The following TMEM267 variants were observed in gnomAD, a reference collection of about 807,000 sequenced individuals.
TMEM267 encodes the protein transmembrane protein 267.
In TMEM267, 20 loss-of-function variants were observed where a neutral mutation model predicts 19.3. The observed-to-expected ratio is 1.04, with a 90% CI of 0.73 to 1.51. TMEM267 has a LOEUF of 1.51. Among genes scored for constraint, TMEM267 ranks in the 40% most tolerant of loss-of-function variants. The pLI, the probability that TMEM267 is intolerant of heterozygous loss-of-function variation, is 0.00. For missense variants in TMEM267, 242 were observed against 261.9 expected (o/e 0.92, Z 0.52); for synonymous variants, 88 against 90.3 (o/e 0.97, Z 0.15).
intron 2 of TMEM267, among the ~76,000 whole-genome samples, chr5:43,449,406 T>C (rs1742448326): frequency 6.6e-6 from 1 of 151,842 alleles, no homozygotes; most frequent in Admixed American, 6.6e-5. Flanking sequence ...GTAACTGAAG[T>C]CCCTAAAGAA....
At chr5:43,454,463 G>GT (rs1479665808) in intron 1 of TMEM267, 1 of 152,384 alleles carries the variant, frequency 6.6e-6, no homozygotes, top group Non-Finnish European at 1.5e-5. Context: ...ACCAATTAGA[G>GT]TTTTCCATTT....
chr5:43,447,721 C>T (rs1047734106), intron 2 of TMEM267, among the ~76,000 whole-genome samples: 6 of 152,178 alleles, frequency 3.9e-5, no homozygotes, highest in Admixed American at 3.9e-4. Context: ...AACACCAAAT[C>T]AGTGGGTTCT....
intron 1 of TMEM267, among the ~76,000 whole-genome samples, chr5:43,464,331 C>G (rs1291547702): frequency 6.6e-6 from 1 of 152,090 alleles, no homozygotes; most frequent in African/African-American, 2.4e-5. Context: ...GAAGAACATT[C>G]CATGCTCATG....
chr5:43,464,563 A>G (rs1743506342), intron 1 of TMEM267, among the ~76,000 whole-genome samples: 1 of 152,276 alleles, frequency 6.6e-6, no homozygotes, highest in Admixed American at 6.5e-5. Flanking sequence ...CTATACTACA[A>G]GGCTACAGTA....
intron 1 of TMEM267, among the ~76,000 whole-genome samples, chr5:43,458,163 T>G (rs1579798159): frequency 1.3e-5 from 2 of 152,180 alleles, no homozygotes; most frequent in African/African-American, 4.8e-5. Context: ...TGCAGTGGTG[T>G]GAATATGGCT....
At chr5:43,460,350 C>A (rs374201184) in intron 1 of TMEM267, among the ~76,000 whole-genome samples, 1 of 151,978 alleles carries the variant, frequency 6.6e-6, no homozygotes, top group Non-Finnish European at 1.5e-5. Flanking sequence ...GTTCACGGAA[C>A]CCCCATAAAA....
intron 1 of TMEM267, among the ~76,000 whole-genome samples, chr5:43,467,243 A>G (rs1743794795): frequency 6.6e-6 from 1 of 152,092 alleles, no homozygotes; most frequent in Non-Finnish European, 1.5e-5. Context: ...CTTATTAATG[A>G]TAACATTAAA....
intron 1 of TMEM267, among the ~76,000 whole-genome samples, chr5:43,460,641 G>C (rs1333542000): frequency 1.3e-5 from 2 of 152,158 alleles, no homozygotes; most frequent in African/African-American, 4.8e-5. Context: ...GAGTGGGGCA[G>C]AGAGCATCTC....
intron 2 of TMEM267, among the ~76,000 whole-genome samples, chr5:43,447,572 A>G (rs1398799972): frequency 6.6e-6 from 1 of 152,172 alleles, no homozygotes; most frequent in African/African-American, 2.4e-5. Context: ...TGATTGTCTA[A>G]ATCTGAATCT....
chr5:43,451,825 A>C (rs1742608000), intron 2 of TMEM267, among the ~76,000 whole-genome samples: 1 of 152,182 alleles, frequency 6.6e-6, no homozygotes, highest in South Asian at 2.1e-4. Context: ...CTGTAATCCC[A>C]GCACTTTGGG....
intron 1 of TMEM267, among the ~76,000 whole-genome samples, chr5:43,476,507 CCT>C (rs1491453332): frequency 1.1e-5 from 1 of 92,282 alleles, no homozygotes; most frequent in East Asian, 3.3e-4. Context: ...AAAAGCCAGA[CCT>C]TTTTTTTTTT....
chr5:43,480,836 T>G (rs1744716314), intron 1 of TMEM267, among the ~76,000 whole-genome samples: 1 of 132,998 alleles, frequency 7.5e-6, no homozygotes, highest in South Asian at 2.5e-4. Context: ...GGAGTCTTGC[T>G]CTGTCGACCA....
At chr5:43,453,448 T>C (rs1177066440) in intron 2 of TMEM267, among the ~76,000 whole-genome samples, 1 of 152,212 alleles carries the variant, frequency 6.6e-6, no homozygotes, top group Non-Finnish European at 1.5e-5. Flanking sequence ...TTGCTCTATG[T>C]GAATCCATAG....
intron 1 of TMEM267, among the ~76,000 whole-genome samples, chr5:43,460,815 G>A (rs564733899): frequency 1.4e-4 from 21 of 152,336 alleles, no homozygotes; most frequent in Non-Finnish European, 2.5e-4. Context: ...CCATTGGTCC[G>A]AATTTGAGTT....
intron 1 of TMEM267, among the ~76,000 whole-genome samples, chr5:43,457,132 G>A (rs1742999160): frequency 6.6e-6 from 1 of 152,146 alleles, no homozygotes; most frequent in Admixed American, 6.5e-5. Context: ...AAAACCCATA[G>A]AACTGTGCGA....
upstream of TMEM267, chr5:43,483,992 G>C (rs185081201): frequency 2.0e-5 from 3 of 152,408 alleles, no homozygotes; most frequent in Non-Finnish European, 2.9e-5. Context: ...CGCATGAGTT[G>C]TTTGGTGCGG....
rs1247587371 is a variant in TMEM267 at position 43,444,800 on chromosome 5, T to C, written c.*1422A>G. 5 of 151,988 alleles carry C rather than the reference T, an allele frequency of 3.3e-5. No homozygotes were observed. The highest frequency in any genetic ancestry group is 1.2e-4 in the African/African-American group (5 of 41,366). The allele number at this position is 151,988 out of a possible 1,614,324, so 9.4% of individuals were successfully genotyped here. A position where few individuals can be genotyped will look rare whatever the true frequency, so the allele number is the denominator to read the frequency against. On this transcript the variant is annotated 3_prime_UTR_variant, in exon 3 of 3. Transcript: ENST00000397080. ...CATTATACCAACCAAACTTATACAA[T>C]AATTACTCTTGAAAAATAAGTAGAC...
At chr5:43,446,959 CA>C (rs943249360) in intron 2 of TMEM267, among the ~76,000 whole-genome samples, 42 of 151,888 alleles carry the variant, frequency 2.8e-4, no homozygotes, top group Non-Finnish European at 1.0e-4. Context: ...TTAGTTAAGG[CA>C]AAAGAGGGAA....
At chr5:43,466,191 AG>A (rs1194756209) in intron 1 of TMEM267, among the ~76,000 whole-genome samples, 1 of 152,158 alleles carries the variant, frequency 6.6e-6, no homozygotes, top group Non-Finnish European at 1.5e-5. Context: ...GACTACCTTA[AG>A]GCATTTAATA....
Sources: gnomAD v4.1 joint callset for allele counts (sites outside exome capture counted in the v4.1 genomes callset) on GRCh38, gnomAD v4.1.1 for gene constraint, MANE v1.5 for transcripts, NCBI Gene and HGNC (gene_info 2026-07-23, HGNC 2026-07-21) for gene names.